The following RIMS2 variants were observed in gnomAD, a reference collection of about 807,000 sequenced individuals.
RIMS2 encodes regulating synaptic membrane exocytosis protein 2.
In RIMS2, 59 loss-of-function variants were observed where a neutral mutation model predicts 174.4. The observed-to-expected ratio is 0.34, with a 90% CI of 0.27 to 0.42. RIMS2 has a LOEUF of 0.42. Among genes scored for constraint, RIMS2 ranks in the 10% least tolerant of loss-of-function variants. The pLI is 1.00. For missense variants in RIMS2, 1,620 were observed against 1,666.3 expected (o/e 0.97, Z 0.48); for synonymous variants, 606 against 572.5 (o/e 1.06, Z -0.84).
chr8:103,831,130 CATT>C (rs1253578090), intron 3 of RIMS2, among the ~76,000 whole-genome samples: 1 of 152,100 alleles, frequency 6.6e-6, no homozygotes, highest in Non-Finnish European at 1.5e-5. Flanking sequence ...GATTAATTGA[CATT>C]ATAGGAAAAG....
intron 1 of RIMS2, among the ~76,000 whole-genome samples, chr8:103,549,752 C>T (rs1180108902): frequency 1.3e-5 from 2 of 151,986 alleles, no homozygotes; most frequent in African/African-American, 2.4e-5. Context: ...CACACAGAGG[C>T]TCAAAATAAA....
At position 103,912,137 on chromosome 8, in the gene RIMS2, G is replaced by A. The variant is rs200160054; in HGVS notation, c.1777G>A (p.Val593Ile). ...AAATAAGCGTCTAAAAGATGGAAGT[G>A]TACCTCGAGATTCAGGAGCAATGCT... The change falls in exon 6 of 24, where the codon GTA (valine) becomes ATA (isoleucine). Residue 593 changes from valine to isoleucine, a missense_variant. Physicochemically the swap from Val to Ile is conservative, Grantham distance 29 (BLOSUM62 3). Transcript: ENST00000504942. The A allele has an allele frequency of 4.4e-6, 7 of 1,607,516 alleles. No homozygotes were observed. The Admixed American group carries it at 5.0e-5, about 12-fold the overall frequency.
intron 19 of RIMS2, among the ~76,000 whole-genome samples, chr8:104,073,943 T>C (rs1396173682): frequency 6.6e-6 from 1 of 152,230 alleles, no homozygotes; most frequent in Non-Finnish European, 1.5e-5. Context: ...TTGGTGGACT[T>C]ATAAGCAGTA....
chr8:103,744,255 G>A (rs3110471), intron 2 of RIMS2, among the ~76,000 whole-genome samples: 147,728 of 152,056 alleles, frequency 0.97, 71,778 homozygotes, highest in East Asian at 1. Context: ...CATGTTAGCC[G>A]GGATGGTCTC....
At chr8:103,639,550 T>A (rs1011095008) in intron 1 of RIMS2, among the ~76,000 whole-genome samples, 47 of 151,980 alleles carry the variant, frequency 3.1e-4, no homozygotes, top group African/African-American at 1.1e-3. Context: ...AAACCTTATG[T>A]AGCTTTTTAG....
At chr8:104,131,391 G>A (rs1212215540) in intron 19 of RIMS2, among the ~76,000 whole-genome samples, 1 of 152,090 alleles carries the variant, frequency 6.6e-6, no homozygotes, top group Non-Finnish European at 1.5e-5. Context: ...TCTGATCTGG[G>A]CAGTTAGATG....
chr8:103,661,609 T>G (rs1329503799), intron 1 of RIMS2, among the ~76,000 whole-genome samples: 2 of 152,100 alleles, frequency 1.3e-5, no homozygotes, highest in Non-Finnish European at 2.9e-5. Flanking sequence ...GTTCAATCAA[T>G]TATCCTGCCT....
At chr8:104,135,018 T>A (rs1599652957) in intron 19 of RIMS2, among the ~76,000 whole-genome samples, 2 of 151,180 alleles carry the variant, frequency 1.3e-5, no homozygotes, top group African/African-American at 4.9e-5. Flanking sequence ...GCAAAAAAAA[T>A]TTGAAATTCA....
At chr8:103,928,899 A>G (rs988846877) in intron 11 of RIMS2, among the ~76,000 whole-genome samples, 1 of 151,586 alleles carries the variant, frequency 6.6e-6, no homozygotes. Context: ...TATATTTTAA[A>G]CACTTATTTA....
intron 1 of RIMS2, among the ~76,000 whole-genome samples, chr8:103,674,059 A>G (rs2136440310): frequency 6.6e-6 from 1 of 152,358 alleles, no homozygotes; most frequent in South Asian, 2.1e-4. Flanking sequence ...CATGAGCAGA[A>G]TGCAGCTAAA....
intron 3 of RIMS2, among the ~76,000 whole-genome samples, chr8:103,829,505 A>G (rs1250147568): frequency 6.6e-6 from 1 of 152,216 alleles, no homozygotes; most frequent in Non-Finnish European, 1.5e-5. Context: ...AAATATACAC[A>G]TACATCATGA....
chr8:103,517,539 C>A (rs16870446), intron 1 of RIMS2, among the ~76,000 whole-genome samples: 27,224 of 151,426 alleles, frequency 0.18, 2,738 homozygotes, highest in African/African-American at 0.25. Context: ...CACTTTGATG[C>A]ATACTACTAA....
At chr8:103,853,039 C>G (rs559286218) in intron 3 of RIMS2, among the ~76,000 whole-genome samples, 4 of 152,078 alleles carry the variant, frequency 2.6e-5, no homozygotes, top group Admixed American at 2.6e-4. Flanking sequence ...ATAAGTGTTC[C>G]CTTTTCTCCA....
intron 2 of RIMS2, among the ~76,000 whole-genome samples, chr8:103,751,957 A>G (rs997386592): frequency 1.3e-5 from 2 of 152,192 alleles, no homozygotes; most frequent in Admixed American, 6.5e-5. Flanking sequence ...TAGTTTAATT[A>G]GATCCCATTT....
chr8:103,640,362 G>A (rs2096201915), intron 1 of RIMS2, among the ~76,000 whole-genome samples: 1 of 151,768 alleles, frequency 6.6e-6, no homozygotes. Context: ...TTTGTCTATT[G>A]ATGCCCGGTT....
chr8:103,520,296 C>T (rs1356322397), intron 1 of RIMS2, among the ~76,000 whole-genome samples: 1 of 152,152 alleles, frequency 6.6e-6, no homozygotes, highest in Admixed American at 6.6e-5. Flanking sequence ...TTGTGCTCTA[C>T]ATCCCCATCT....
chr8:103,723,971 C>G (rs969837602), intron 2 of RIMS2, among the ~76,000 whole-genome samples: 9 of 152,130 alleles, frequency 5.9e-5, no homozygotes, highest in African/African-American at 2.2e-4. Context: ...TCCACAGGAG[C>G]TGGCTTTGTG....
chr8:103,546,218 A>G (rs903546021), intron 1 of RIMS2, among the ~76,000 whole-genome samples: 11 of 152,232 alleles, frequency 7.2e-5, no homozygotes, highest in Non-Finnish European at 1.6e-4. Flanking sequence ...ACAGAAAAAA[A>G]CAGGAGTTGC....
chr8:103,676,455 A>G (rs2096813494), intron 1 of RIMS2, among the ~76,000 whole-genome samples: 1 of 152,180 alleles, frequency 6.6e-6, no homozygotes. Flanking sequence ...TACCTTTTAT[A>G]AACACTTTAT....
Sources: allele counts gnomAD v4.1 joint callset (sites outside exome capture counted in the v4.1 genomes callset), GRCh38; gene constraint gnomAD v4.1.1; transcripts MANE v1.5; gene names NCBI Gene and HGNC (gene_info 2026-07-23, HGNC 2026-07-21).